PAPPA: variants seen among roughly 807,000 people sequenced by gnomAD.
PAPPA encodes the protein pappalysin-1.
In PAPPA, 60 loss-of-function variants were observed where a neutral mutation model predicts 164.0. The ratio of observed to expected loss-of-function variants is 0.37; its 90% CI spans 0.30 to 0.45. The LOEUF is 0.45. Ranked by LOEUF, PAPPA falls within the 20% of genes least tolerant of loss-of-function variation. The probability of loss-of-function intolerance (pLI) is 1.00; values close to 1 mark genes in which losing one functional copy is unlikely to be tolerated. For synonymous variants in PAPPA, 875 were observed against 814.1 expected (o/e 1.07, Z -1.27); for missense variants, 1,782 against 2,087.3 (o/e 0.85, Z 2.85).
At chr9:116,194,795 A>C (rs1355840341) in intron 2 of PAPPA, among the ~76,000 whole-genome samples, 1 of 152,200 alleles carries the variant, frequency 6.6e-6, no homozygotes, top group East Asian at 1.9e-4. Flanking sequence ...CCTCCCTGTC[A>C]GCATTGTTTT....
intron 7 of PAPPA, among the ~76,000 whole-genome samples, chr9:116,243,798 A>G (rs926816438): frequency 6.6e-6 from 1 of 152,166 alleles, no homozygotes; most frequent in Non-Finnish European, 1.5e-5. Flanking sequence ...CCAAACCAGC[A>G]TGATTTCCAG....
chr9:116,171,473 T>A (rs1420027556), intron 1 of PAPPA, among the ~76,000 whole-genome samples: 1 of 151,964 alleles, frequency 6.6e-6, no homozygotes, highest in Admixed American at 6.6e-5. Flanking sequence ...ACCTGCCTTT[T>A]TCTCCAACCC....
intron 9 of PAPPA, among the ~76,000 whole-genome samples, chr9:116,298,844 G>T (rs1845543321): frequency 6.6e-6 from 1 of 150,934 alleles, no homozygotes; most frequent in Admixed American, 6.7e-5. Context: ...CTACTACACG[G>T]AAGTTATTTG....
chr9:116,262,461 TG>T (rs1371540468), intron 7 of PAPPA, among the ~76,000 whole-genome samples: 1 of 152,084 alleles, frequency 6.6e-6, no homozygotes, highest in Non-Finnish European at 1.5e-5. Context: ...AAGAGTAAAT[TG>T]GAAGTTTCAG....
chr9:116,357,517 C>T (rs373363333), intron 17 of PAPPA, among the ~76,000 whole-genome samples: 33 of 152,270 alleles, frequency 2.2e-4, no homozygotes, highest in African/African-American at 4.6e-4. Flanking sequence ...AAAGAAGGCC[C>T]GGGGAGGGTA....
chr9:116,256,310 T>C (rs891149445), intron 7 of PAPPA, among the ~76,000 whole-genome samples: 11 of 151,940 alleles, frequency 7.2e-5, no homozygotes, highest in Non-Finnish European at 1.3e-4. Flanking sequence ...AAAGTACAAT[T>C]TTCACAGTTA....
chr9:116,356,853 A>G (rs1315088661), intron 17 of PAPPA, among the ~76,000 whole-genome samples: 3 of 152,190 alleles, frequency 2.0e-5, no homozygotes, highest in Non-Finnish European at 2.9e-5. Context: ...TTTTTGGCTT[A>G]AAACCTAGAT....
At chr9:116,160,622 G>A (rs1400285785) in intron 1 of PAPPA, among the ~76,000 whole-genome samples, 1 of 152,152 alleles carries the variant, frequency 6.6e-6, no homozygotes, top group Non-Finnish European at 1.5e-5. Context: ...CCCTCTATGG[G>A]CAACTTGTAT....
At chr9:116,348,275 G>A (rs1430057370) in intron 15 of PAPPA, among the ~76,000 whole-genome samples, 2 of 151,384 alleles carry the variant, frequency 1.3e-5, no homozygotes, top group African/African-American at 4.9e-5. Context: ...GCTTCTGCTT[G>A]GATCTACTGG....
rs568223038 is a variant in PAPPA, at chr9:116,390,324, C to A, written c.4777-6185C>A. On this transcript the variant is annotated intron_variant, in intron 21 of 21. Transcript: ENST00000328252. ...GTGGGAGGGAAAAGGGTATCTTTGGCGAGAGGAACAGTCTGTGCAAAGGCC... is the reference window on the plus strand; with the variant it reads ...GTGGGAGGGAAAAGGGTATCTTTGGAGAGAGGAACAGTCTGTGCAAAGGCC... Among the ~76,000 whole-genome samples the A allele has an allele frequency of 1.3e-4, 20 of 152,004 alleles. No homozygotes were observed. The South Asian group carries it at 4.0e-3, about 30-fold the overall frequency.
chr9:116,169,990 C>A (rs1169916314), intron 1 of PAPPA, among the ~76,000 whole-genome samples: 1 of 152,100 alleles, frequency 6.6e-6, no homozygotes, highest in African/African-American at 2.4e-5. Context: ...CAGAATAGCA[C>A]TCCTATTTTA....
intron 20 of PAPPA, among the ~76,000 whole-genome samples, chr9:116,379,904 G>A (rs1379928718): frequency 6.6e-6 from 1 of 152,112 alleles, no homozygotes; most frequent in Non-Finnish European, 1.5e-5. Flanking sequence ...CCAGAGACAG[G>A]AGAAATCTCT....
At chr9:116,155,322 C>T (rs1344064095) in intron 1 of PAPPA, among the ~76,000 whole-genome samples, 4 of 152,208 alleles carry the variant, frequency 2.6e-5, no homozygotes, top group Non-Finnish European at 5.9e-5. Flanking sequence ...CCTCCTCAAC[C>T]TCCCTCTCTC....
chr9:116,245,382 G>C (rs1241816202), intron 7 of PAPPA, among the ~76,000 whole-genome samples: 1 of 152,200 alleles, frequency 6.6e-6, no homozygotes, highest in African/African-American at 2.4e-5. Flanking sequence ...TTATGAAATA[G>C]AGGGACTAAA....
intron 18 of PAPPA, among the ~76,000 whole-genome samples, chr9:116,365,331 C>T (rs1481065873): frequency 6.6e-6 from 1 of 152,092 alleles, no homozygotes; most frequent in African/African-American, 2.4e-5. Flanking sequence ...CCAGGGCTGC[C>T]ACCCTCCCCG....
Position 116,154,238 on chromosome 9 carries a change from C to T in PAPPA, c.66C>T (p.Ala22=). ...GCGCCGCGCTGGGCTGCGGGCTGGC[C>T]GAGCGTCCCCGCCGGGCCCGGAGAG... ...LLSAALGCGL[A]ERPRRARRDP... Residue 22 remains alanine (A), a synonymous_variant, in exon 1 of 22, where the codon GCC becomes GCT. Transcript: ENST00000328252. This position sits in a 1 kb window ranked among gnomAD's most constrained non-coding sequence, Gnocchi z 5.2. 1.4e-6 allele frequency: 2 copies of T among 1,411,642 alleles called. No individual in the cohort carries two copies. Among genetic ancestry groups the T allele is most frequent in the East Asian group, 3.3e-5 (1 of 29,982 alleles). The allele number at this position is 1,411,642 out of a possible 1,614,324, so 87.4% of individuals were successfully genotyped here. A position where few individuals can be genotyped will look rare whatever the true frequency, so the allele number is the denominator to read the frequency against.
chr9:116,177,368 C>G (rs1843849643), intron 1 of PAPPA, among the ~76,000 whole-genome samples: 1 of 152,184 alleles, frequency 6.6e-6, no homozygotes, highest in African/African-American at 2.4e-5. Flanking sequence ...CTTTATTTCC[C>G]CTTAAATGCA....
At chr9:116,267,591 C>T (rs1399210433) in intron 8 of PAPPA, among the ~76,000 whole-genome samples, 4 of 152,122 alleles carry the variant, frequency 2.6e-5, no homozygotes, top group East Asian at 1.9e-4. Flanking sequence ...TAAGAAATGG[C>T]GGCCGGGTGC....
chr9:116,200,030 C>T (rs962612669), intron 2 of PAPPA, among the ~76,000 whole-genome samples: 2 of 152,132 alleles, frequency 1.3e-5, no homozygotes, highest in African/African-American at 4.8e-5. Context: ...CACTAGGCTC[C>T]ACCCCCAACA....
Sources: allele counts gnomAD v4.1 joint callset (sites outside exome capture counted in the v4.1 genomes callset), GRCh38; gene constraint gnomAD v4.1.1; non-coding constraint Gnocchi (gnomAD v3.1); transcripts MANE v1.5; gene names NCBI Gene and HGNC (gene_info 2026-07-23, HGNC 2026-07-21).